SYNC: variants seen among roughly 807,000 people sequenced by gnomAD.
The protein encoded by SYNC is syncoilin, intermediate filament protein.
A neutral mutation model predicts 49.5 loss-of-function variants in SYNC; 38 were observed. The ratio of observed to expected loss-of-function variants is 0.77; its 90% CI spans 0.59 to 1.01. SYNC has a LOEUF of 1.01. Ranked by LOEUF, SYNC falls within the 50% of genes least tolerant of loss-of-function variation. The pLI is 0.00. For synonymous variants in SYNC, 201 were observed against 230.8 expected, an observed-to-expected ratio of 0.87 and a Z score of 1.17; for missense variants, 579 against 580.6, an observed-to-expected ratio of 1.00 and a Z score of 0.03.
chr1:32,697,681 G>A (rs1650492875), intron 1 of SYNC, among the ~76,000 whole-genome samples: 1 of 151,388 alleles, frequency 6.6e-6, no homozygotes, highest in South Asian at 2.1e-4. Context: ...AGGCTGTGCT[G>A]AGCCATGACT....
At chr1:32,687,861 A>ATTATTTTTTTT in intron 2 of SYNC, among the ~76,000 whole-genome samples, 1 of 146,446 alleles carries the variant, frequency 6.8e-6, no homozygotes. Context: ...TATTATTATT[A>ATTATTTTTTTT]TTTTTTGAGA....
intron 1 of SYNC, among the ~76,000 whole-genome samples, chr1:32,696,379 A>G (rs916115055): frequency 7.9e-5 from 12 of 151,790 alleles, no homozygotes; most frequent in Admixed American, 7.2e-4. Context: ...CAATAGCGTG[A>G]TGTCGGCTCA....
Position 32,680,288 on chromosome 1 carries a change from G to A in SYNC, c.*1562C>T, listed in dbSNP as rs1315377484. ...TATTCATATATTTTTGCTCGTTAGT[G>A]TATTTCTTGAGCTGTTTTCATGTTG... On this transcript the variant is annotated 3_prime_UTR_variant, in exon 5 of 5. Transcript: ENST00000409190. 3 of 1,259,624 alleles carry A rather than the reference G, an allele frequency of 2.4e-6. No homozygotes were observed. Among genetic ancestry groups the A allele is most frequent in the East Asian group, 3.3e-5 (1 of 29,982 alleles). The allele number at this position is 1,259,624 out of a possible 1,614,324, so 78.0% of individuals were successfully genotyped here.
Position 32,694,925 on chromosome 1 carries a change from G to C in SYNC, c.1173C>G (p.Asn391Lys). ...TCACAAGTGCGATCTGGTCCTCCAGGTTCCTGTTTTGCAGGCGGAGCTGCC... is the reference window on the plus strand; with the variant it reads ...TCACAAGTGCGATCTGGTCCTCCAGCTTCCTGTTTTGCAGGCGGAGCTGCC... ...EARQLRLQNRNLEDQIALVRQ... is the reference protein window; with the variant it reads ...EARQLRLQNRKLEDQIALVRQ... The change falls in exon 2 of 5, where the codon AAC becomes AAG. Residue 391 changes from asparagine (N) to lysine (K), a missense_variant. Coordinates refer to ENST00000409190, the MANE Select transcript of SYNC (RefSeq NM_030786.3). 1 of 1,613,566 alleles carries C rather than the reference G, an allele frequency of 6.2e-7. No individual in the cohort carries two copies. Among genetic ancestry groups the C allele is most frequent in the Non-Finnish European group, 8.5e-7 (1 of 1,179,938 alleles).
At chr1:32,682,152 C>T (rs1024585891) in intron 4 of SYNC, 9 of 393,756 alleles carry the variant, frequency 2.3e-5, no homozygotes, top group Non-Finnish European at 3.7e-5. Context: ...AGATTGTACA[C>T]AATCTGATCA....
chr1:32,694,429 G>A (rs771618555), intron 2 of SYNC, among the ~76,000 whole-genome samples: 7 of 151,974 alleles, frequency 4.6e-5, no homozygotes, highest in African/African-American at 1.2e-4. Flanking sequence ...CAAGGCAGGC[G>A]GATCACGAGG....
At chr1:32,692,095 G>A (rs1358574438) in intron 2 of SYNC, among the ~76,000 whole-genome samples, 5 of 152,106 alleles carry the variant, frequency 3.3e-5, no homozygotes, top group African/African-American at 1.2e-4. Context: ...AGCCTGGTGC[G>A]GTGGCGGGCG....
chr1:32,698,636 T>G (rs1476717068), intron 1 of SYNC, among the ~76,000 whole-genome samples: 4 of 152,194 alleles, frequency 2.6e-5, no homozygotes, highest in Non-Finnish European at 4.4e-5. Context: ...GAAGTCAGAT[T>G]CCATCATTCT....
At chr1:32,698,214 CAAAA>C (rs149634173) in intron 1 of SYNC, among the ~76,000 whole-genome samples, 20,387 of 119,610 alleles carry the variant, frequency 0.17, 2,052 homozygotes, top group Non-Finnish European at 0.25. Flanking sequence ...GACTCCATCT[CAAAA>C]AAAAAAAAAA....
chr1:32,699,076 G>A (rs369735451), intron 1 of SYNC, among the ~76,000 whole-genome samples: 3 of 150,264 alleles, frequency 2.0e-5, no homozygotes, highest in Admixed American at 6.6e-5. Context: ...CACCACATCC[G>A]GCCACAGGCA....
Position 32,680,366 on chromosome 1 carries a change from T to TG in SYNC, c.*1483_*1484insC, listed in dbSNP as rs888179056. ...TTTTTTTTTGTTGTTGGTTTTTTTT[T>TG]TTTTTTTTTTAACTTGGGACCACCA... is the stretch of plus-strand genomic sequence containing the variant. On this transcript the variant is annotated 3_prime_UTR_variant, in exon 5 of 5. Coordinates refer to ENST00000409190, the MANE Select transcript of SYNC (RefSeq NM_030786.3). 9 of 1,136,758 alleles carry TG rather than the reference T, an allele frequency of 7.9e-6. No individual in the cohort carries two copies. The highest frequency in any genetic ancestry group is 9.8e-6 in the Non-Finnish European group (9 of 922,244). The allele number at this position is 1,136,758 out of a possible 1,614,324, so 70.4% of individuals were successfully genotyped here. A position where few individuals can be genotyped will look rare whatever the true frequency, so the allele number is the denominator to read the frequency against.
At chr1:32,693,067 T>C (rs965054617) in intron 2 of SYNC, among the ~76,000 whole-genome samples, 1 of 135,624 alleles carries the variant, frequency 7.4e-6, no homozygotes, top group African/African-American at 2.6e-5. Context: ...AACCACAGTG[T>C]TTTTTTTTTG....
At chr1:32,699,363 A>G (rs1650580297) in intron 1 of SYNC, among the ~76,000 whole-genome samples, 1 of 151,122 alleles carries the variant, frequency 6.6e-6, no homozygotes, top group Admixed American at 6.6e-5. Flanking sequence ...CATGTTGGCC[A>G]GGATGGTCTC....
intron 2 of SYNC, among the ~76,000 whole-genome samples, chr1:32,687,854 T>TATTATTATTATTATTATG (rs1423000746): frequency 2.7e-4 from 6 of 22,116 alleles, no homozygotes; most frequent in African/African-American, 3.7e-4. Context: ...TTATTATTAT[T>TATTATTATTATTATTATG]ATTATTATTT....
At chr1:32,690,030 A>T (rs964791345) in intron 2 of SYNC, among the ~76,000 whole-genome samples, 5 of 151,932 alleles carry the variant, frequency 3.3e-5, no homozygotes, top group African/African-American at 9.7e-5. Flanking sequence ...GGGACCTCAG[A>T]CCTTGCTTCC....
intron 4 of SYNC, 128 bp downstream of exon 4, chr1:32,683,882 C>G: frequency 1.2e-6 from 1 of 867,026 alleles, no homozygotes; most frequent in Non-Finnish European, 1.8e-6. Context: ...ATCCACCCTC[C>G]TCAGCCTCCC....
At chr1:32,682,295 C>T in intron 4 of SYNC, 1 of 162,676 alleles carries the variant, frequency 6.1e-6, no homozygotes, top group Non-Finnish European at 1.3e-5. Flanking sequence ...ATGGCTTATG[C>T]CTGTAATCCC....
chr1:32,687,638 C>T (rs1649921891), intron 2 of SYNC, among the ~76,000 whole-genome samples: 1 of 149,790 alleles, frequency 6.7e-6, no homozygotes, highest in African/African-American at 2.4e-5. Flanking sequence ...CGCCACTGCA[C>T]TCCAGCCTGG....
At chr1:32,700,822 G>T (rs1393958370) in intron 1 of SYNC, among the ~76,000 whole-genome samples, 1 of 152,152 alleles carries the variant, frequency 6.6e-6, no homozygotes, top group Non-Finnish European at 1.5e-5. Context: ...GCTGGAGAAG[G>T]CCTGCAGTAT....
Sources: gnomAD v4.1 joint callset for allele counts (sites outside exome capture counted in the v4.1 genomes callset) on GRCh38, gnomAD v4.1.1 for gene constraint, MANE v1.5 for transcripts, NCBI Gene and HGNC (gene_info 2026-07-23, HGNC 2026-07-21) for gene names.